Variants in MZT1 observed in about 807,000 individuals in gnomAD.
The protein encoded by MZT1 is mitotic-spindle organizing protein 1.
Under a neutral mutation model 8.5 loss-of-function variants are expected in MZT1, and 8 were observed. That is an observed-to-expected ratio of 0.94 (90% CI 0.55 to 1.70). MZT1 has a LOEUF of 1.70. Ranked by LOEUF, MZT1 falls within the 40% of genes most tolerant of loss-of-function variation. The pLI is 0.00. For synonymous variants in MZT1, 38 were observed against 42.0 expected, an observed-to-expected ratio of 0.90 and a Z score of 0.37; for missense variants, 93 against 108.6, an observed-to-expected ratio of 0.86 and a Z score of 0.64.
At chr13:72,718,583 T>C (rs2032560808) in intron 2 of MZT1, among the ~76,000 whole-genome samples, 1 of 152,058 alleles carries the variant, frequency 6.6e-6, no homozygotes, top group Non-Finnish European at 1.5e-5. Context: ...GTTCACGCCA[T>C]TCTCCTGCCT....
At chr13:72,723,715 T>C (rs1233743017) in intron 1 of MZT1, among the ~76,000 whole-genome samples, 1 of 152,234 alleles carries the variant, frequency 6.6e-6, no homozygotes, top group Non-Finnish European at 1.5e-5. Context: ...CCTCTAACTA[T>C]ATGTATTTTG....
chr13:72,722,038 T>A (rs2032597626), intron 1 of MZT1, among the ~76,000 whole-genome samples: 2 of 152,248 alleles, frequency 1.3e-5, no homozygotes, highest in Non-Finnish European at 2.9e-5. Flanking sequence ...AAATGCTTAT[T>A]TATAGTGACA....
At chr13:72,712,017 G>A (rs576285102) in intron 2 of MZT1, among the ~76,000 whole-genome samples, 2 of 151,994 alleles carry the variant, frequency 1.3e-5, no homozygotes, top group South Asian at 4.2e-4. Flanking sequence ...CAATCTCTTT[G>A]GTAATCTTGA....
intron 1 of MZT1, among the ~76,000 whole-genome samples, chr13:72,720,506 T>A (rs1428115024): frequency 6.6e-6 from 1 of 152,210 alleles, no homozygotes; most frequent in African/African-American, 2.4e-5. Flanking sequence ...TAAGTCTAAG[T>A]CTTTCTGAAA....
At chr13:72,718,177 C>T (rs997054061) in intron 2 of MZT1, among the ~76,000 whole-genome samples, 1 of 152,166 alleles carries the variant, frequency 6.6e-6, no homozygotes, top group African/African-American at 2.4e-5. Flanking sequence ...CCTTCCTTGC[C>T]TCTTTCTAGC....
At chr13:72,724,371 C>G (rs2032618928) in intron 1 of MZT1, among the ~76,000 whole-genome samples, 1 of 151,816 alleles carries the variant, frequency 6.6e-6, no homozygotes, top group Non-Finnish European at 1.5e-5. Flanking sequence ...TAGTGAAGAA[C>G]AGGAGGCAGA....
chr13:72,709,988 G>A lies in MZT1; in HGVS notation c.*334C>T. 1 of 268,256 alleles carries A rather than the reference G, an allele frequency of 3.7e-6. No individual in the cohort carries two copies. The highest frequency in any genetic ancestry group is 7.0e-6 in the Non-Finnish European group (1 of 142,016). The allele number at this position is 268,256 out of a possible 1,614,324, so 16.6% of individuals were successfully genotyped here. A position where few individuals can be genotyped will look rare whatever the true frequency, so the allele number is the denominator to read the frequency against. ...GATGGGTTCCACTATACTTCAACCT[G>A]GCACAGCAGATGTGCACATCTGATA... On this transcript the variant is annotated 3_prime_UTR_variant, in exon 3 of 3. Coordinates refer to ENST00000377818, the MANE Select transcript of MZT1 (RefSeq NM_001071775.3).
intron 2 of MZT1, among the ~76,000 whole-genome samples, chr13:72,715,597 A>G (rs2032527576): frequency 1.3e-5 from 2 of 152,144 alleles, no homozygotes; most frequent in Admixed American, 6.5e-5. Flanking sequence ...GTAATCTCCA[A>G]TGTTGGAGGT....
intron 1 of MZT1, among the ~76,000 whole-genome samples, chr13:72,723,644 CA>C (rs971623550): frequency 1.7e-3 from 242 of 145,560 alleles, no homozygotes; most frequent in African/African-American, 5.2e-3. Context: ...GAAAATATTA[CA>C]AAAAAAAAAA....
chr13:72,709,415 A>C lies in MZT1; in HGVS notation c.*907T>G, dbSNP rs551712491. 6.6e-6 allele frequency: 1 copy of C among 151,998 alleles called. No homozygotes were observed. The highest frequency in any genetic ancestry group is 2.4e-5 in the African/African-American group (1 of 41,422). 9.4% of individuals were successfully genotyped at this position (151,998 alleles called of 1,614,324 possible). ...AAACACATCACCCATCTAATAATTT[A>C]TTAAATAACCATTCAAGATTTATTA... On this transcript the variant is annotated 3_prime_UTR_variant, in exon 3 of 3. Transcript: ENST00000377818.
At chr13:72,724,455 A>C (rs1234268508) in intron 1 of MZT1, among the ~76,000 whole-genome samples, 1 of 151,022 alleles carries the variant, frequency 6.6e-6, no homozygotes, top group Non-Finnish European at 1.5e-5. Context: ...GGTAGCATGG[A>C]CTGTTTCGCT....
chr13:72,725,681 A>G (rs1424709351), intron 1 of MZT1, among the ~76,000 whole-genome samples: 1 of 152,030 alleles, frequency 6.6e-6, no homozygotes, highest in Non-Finnish European at 1.5e-5. Context: ...TTTTCTCAGA[A>G]GAGATCTTGA....
intron 1 of MZT1, among the ~76,000 whole-genome samples, chr13:72,724,894 A>G (rs1593799621): frequency 6.7e-6 from 1 of 149,040 alleles, no homozygotes; most frequent in East Asian, 2.0e-4. Context: ...TCTACTAAAA[A>G]TACAAAAATT....
intron 1 of MZT1, 130 bp from the exon 2 acceptor site, chr13:72,719,227 A>C: frequency 3.1e-6 from 2 of 637,242 alleles, no homozygotes; most frequent in Non-Finnish European, 4.7e-6. Flanking sequence ...AGGTTTTGGA[A>C]ATCTGCATGT....
intron 2 of MZT1, among the ~76,000 whole-genome samples, chr13:72,711,209 G>A (rs2032486147): frequency 6.6e-6 from 1 of 152,124 alleles, no homozygotes; most frequent in African/African-American, 2.4e-5. Context: ...ATTACAATAT[G>A]TAGATGACTG....
intron 1 of MZT1, among the ~76,000 whole-genome samples, chr13:72,724,746 A>ATGTGTGTGTGTG (rs1360013351): frequency 2.7e-5 from 1 of 37,242 alleles, no homozygotes; most frequent in African/African-American, 5.4e-5. Context: ...ATATACACAT[A>ATGTGTGTGTGTG]TATATATGTA....
chr13:72,712,432 G>A (rs906821637), intron 2 of MZT1, among the ~76,000 whole-genome samples: 1 of 152,200 alleles, frequency 6.6e-6, no homozygotes, highest in African/African-American at 2.4e-5. Flanking sequence ...GGTATTACAG[G>A]CGTGAGCCAG....
At chr13:72,725,706 C>T (rs2032644319) in intron 1 of MZT1, among the ~76,000 whole-genome samples, 1 of 152,034 alleles carries the variant, frequency 6.6e-6, no homozygotes, top group African/African-American at 2.4e-5. Flanking sequence ...GCAGCCAACA[C>T]AAACCATCAG....
Position 72,708,771 on chromosome 13 carries a change from C to T in MZT1, c.*1551G>A, listed in dbSNP as rs2032456377. 1 of 151,018 alleles carries T rather than the reference C, an allele frequency of 6.6e-6. No individual in the cohort carries two copies. Among genetic ancestry groups the T allele is most frequent in the South Asian group, 2.1e-4 (1 of 4,792 alleles). 9.4% of individuals were successfully genotyped at this position (151,018 alleles called of 1,614,324 possible). On this transcript the variant is annotated 3_prime_UTR_variant, in exon 3 of 3. Coordinates refer to ENST00000377818, the MANE Select transcript of MZT1 (RefSeq NM_001071775.3). ...TACCAGTAACAGATCTTCCAGTTTA[C>T]TTGGTTGGTAAAGATGCCAGGCATT...
Sources: allele counts gnomAD v4.1 joint callset (sites outside exome capture counted in the v4.1 genomes callset), GRCh38; gene constraint gnomAD v4.1.1; transcripts MANE v1.5; gene names NCBI Gene and HGNC (gene_info 2026-07-23, HGNC 2026-07-21).